AJAP1: variants seen among roughly 807,000 people sequenced by gnomAD.
AJAP1 encodes adherens junctions associated protein 1.
In AJAP1, 5 loss-of-function variants were observed where a neutral mutation model predicts 35.0. That is an observed-to-expected ratio of 0.14 (90% confidence interval 0.07 to 0.30). AJAP1 has a LOEUF of 0.30. Among genes scored for constraint, AJAP1 ranks in the 10% least tolerant of loss-of-function variants. The pLI, the probability that AJAP1 is intolerant of heterozygous loss-of-function variation, is 1.00. For synonymous variants in AJAP1, 284 were observed against 249.3 expected, an observed-to-expected ratio of 1.14 and a Z score of -1.31; for missense variants, 586 against 571.0, an observed-to-expected ratio of 1.03 and a Z score of -0.27.
chr1:4,718,640 G>A (rs576123525), intron 2 of AJAP1, among the ~76,000 whole-genome samples: 1 of 152,136 alleles, frequency 6.6e-6, no homozygotes, highest in East Asian at 1.9e-4. Context: ...GTGCCACTAA[G>A]CTCAGCTAAT....
intron 2 of AJAP1, among the ~76,000 whole-genome samples, chr1:4,736,941 T>A (rs1311817415): frequency 6.6e-6 from 1 of 152,118 alleles, no homozygotes; most frequent in Non-Finnish European, 1.5e-5. Flanking sequence ...CTGAGAATTC[T>A]TCCCTGCGGG....
rs1225363265 is a variant in AJAP1, at chr1:4,789,175, G to A, written c.*6690G>A. 6.6e-6 allele frequency: 1 copy of A among 152,200 alleles called. No homozygotes were observed. Among genetic ancestry groups the A allele is most frequent in the Non-Finnish European group, 1.5e-5 (1 of 68,042 alleles). 9.4% of individuals were successfully genotyped at this position (152,200 alleles called of 1,614,324 possible). A position where few individuals can be genotyped will look rare whatever the true frequency, so the allele number is the denominator to read the frequency against. On this transcript the variant is annotated 3_prime_UTR_variant, in exon 6 of 6. Transcript: ENST00000378191. This position sits in a 1 kb window ranked among gnomAD's most constrained non-coding sequence, Gnocchi z 4.4. ...GAGATTAAACACTAGTGAGTAGCGG[G>A]GGAAGGGAACAGTGACTGTATAAAT...
chr1:4,728,005 C>T (rs1005260657), intron 2 of AJAP1, among the ~76,000 whole-genome samples: 15 of 152,208 alleles, frequency 9.9e-5, no homozygotes, highest in African/African-American at 1.7e-4. Flanking sequence ...TGGTCGCCTC[C>T]GTTCCCTGTG....
In AJAP1 at chr1:4,654,840, G is replaced by A. The variant is rs1269910696; in HGVS notation, c.-586G>A. 6.6e-6 allele frequency: 1 copy of A among 150,666 alleles called. No homozygotes were observed. The allele number at this position is 150,666 out of a possible 1,614,324, so 9.3% of individuals were successfully genotyped here. A position where few individuals can be genotyped will look rare whatever the true frequency, so the allele number is the denominator to read the frequency against. On this transcript the variant is annotated 5_prime_UTR_variant, in exon 1 of 6. Coordinates refer to ENST00000378191, the MANE Select transcript of AJAP1 (RefSeq NM_018836.4). The surrounding 1 kb of genome is among the most constrained non-coding windows in gnomAD (Gnocchi z 5.1). ...GAGCGAGCGCTCAGACGGAGCCCCC[G>A]GGCAACTTGAGTGGCGCCGATCGGC... is the stretch of plus-strand genomic sequence containing the variant.
At chr1:4,760,179 C>A (rs1570206890) in intron 2 of AJAP1, among the ~76,000 whole-genome samples, 1 of 152,048 alleles carries the variant, frequency 6.6e-6, no homozygotes, top group African/African-American at 2.4e-5. Flanking sequence ...GTGTGAGTCT[C>A]TGTGAGTGAG....
intron 2 of AJAP1, among the ~76,000 whole-genome samples, chr1:4,758,689 AC>A (rs1417522502): frequency 6.6e-6 from 1 of 152,132 alleles, no homozygotes; most frequent in Non-Finnish European, 1.5e-5. Flanking sequence ...GGGACACAAA[AC>A]CTAACCATCT....
chr1:4,711,486 C>A (rs778312213), intron 1 of AJAP1, among the ~76,000 whole-genome samples: 1 of 152,242 alleles, frequency 6.6e-6, no homozygotes, highest in Non-Finnish European at 1.5e-5. Context: ...GCCATCCTCT[C>A]ACTTACGTCC....
chr1:4,735,400 TG>T (rs1324956008), intron 2 of AJAP1, among the ~76,000 whole-genome samples: 1 of 152,148 alleles, frequency 6.6e-6, no homozygotes, highest in Non-Finnish European at 1.5e-5. Context: ...GGGACCAATT[TG>T]GGCCCCAGGT....
intron 1 of AJAP1, among the ~76,000 whole-genome samples, chr1:4,708,546 G>T (rs1251821087): frequency 2.0e-5 from 3 of 152,248 alleles, no homozygotes. Flanking sequence ...AGTGAGAAGA[G>T]TATTCCCAGG....
chr1:4,702,433 G>A (rs1028761230), intron 1 of AJAP1, among the ~76,000 whole-genome samples: 2 of 152,254 alleles, frequency 1.3e-5, no homozygotes, highest in Non-Finnish European at 2.9e-5. Context: ...AAGATGTTCT[G>A]TGGAAAGGAG....
chr1:4,737,648 C>T (rs1640960680), intron 2 of AJAP1, among the ~76,000 whole-genome samples: 1 of 152,188 alleles, frequency 6.6e-6, no homozygotes, highest in East Asian at 1.9e-4. Context: ...AATCCCAGCA[C>T]TTTAGGAGGC....
intron 5 of AJAP1, 96 bp downstream of exon 5, chr1:4,774,654 T>C: frequency 2.9e-6 from 2 of 689,976 alleles, no homozygotes; most frequent in Middle Eastern, 2.9e-4. Context: ...GGAGCTCTTT[T>C]AGACATGGCG....
intron 2 of AJAP1, among the ~76,000 whole-genome samples, chr1:4,722,708 G>A (rs779472072): frequency 7.9e-5 from 12 of 152,216 alleles, no homozygotes; most frequent in Non-Finnish European, 1.3e-4. Flanking sequence ...GCTTGTGGCC[G>A]CATCACTCCA....
At chr1:4,689,068 G>C (rs754618720) in intron 1 of AJAP1, among the ~76,000 whole-genome samples, 1 of 152,050 alleles carries the variant, frequency 6.6e-6, no homozygotes, top group South Asian at 2.1e-4. Context: ...TCGCCTGTAG[G>C]GGGTGAGGGT....
intron 2 of AJAP1, among the ~76,000 whole-genome samples, chr1:4,754,088 TG>T (rs1174004227): frequency 6.6e-6 from 1 of 152,236 alleles, no homozygotes; most frequent in African/African-American, 2.4e-5. Context: ...CTATAGTCCA[TG>T]GACCAATCCT....
At chr1:4,770,686 C>A (rs1156748250) in intron 3 of AJAP1, among the ~76,000 whole-genome samples, 1 of 142,918 alleles carries the variant, frequency 7.0e-6, no homozygotes, top group African/African-American at 2.5e-5. Flanking sequence ...CTGCACACAG[C>A]CATATGAATC....
At chr1:4,669,981 C>T (rs573166574) in intron 1 of AJAP1, among the ~76,000 whole-genome samples, 10 of 152,286 alleles carry the variant, frequency 6.6e-5, no homozygotes, top group Non-Finnish European at 1.3e-4. Context: ...TGCCTAGTTA[C>T]GGCACTGCTA....
intron 1 of AJAP1, among the ~76,000 whole-genome samples, chr1:4,663,571 C>A (rs1419335783): frequency 6.6e-6 from 1 of 152,184 alleles, no homozygotes; most frequent in Non-Finnish European, 1.5e-5. Flanking sequence ...ATGCAGGCTG[C>A]AGGTGGGAGG....
At chr1:4,715,074 C>G (rs1640357881) in intron 2 of AJAP1, among the ~76,000 whole-genome samples, 1 of 152,122 alleles carries the variant, frequency 6.6e-6, no homozygotes. Context: ...TTAAGCTTCC[C>G]CAGATGGAAG....
Sources: allele counts gnomAD v4.1 joint callset (sites outside exome capture counted in the v4.1 genomes callset), GRCh38; gene constraint gnomAD v4.1.1; non-coding constraint Gnocchi (gnomAD v3.1); transcripts MANE v1.5; gene names NCBI Gene and HGNC (gene_info 2026-07-23, HGNC 2026-07-21).